TAF7L: variants seen among roughly 807,000 people sequenced by gnomAD.
TAF7L encodes transcription initiation factor TFIID subunit 7-like.
In TAF7L, 6 loss-of-function variants were observed where a neutral mutation model predicts 30.2. The observed-to-expected ratio is 0.20, with a 90% CI of 0.11 to 0.39. The LOEUF (loss-of-function observed/expected upper bound fraction) is 0.39, where lower values mean the gene tolerates loss of function less well. Ranked by LOEUF, TAF7L falls within the 10% of genes least tolerant of loss-of-function variation. TAF7L has a pLI of 1.00. For missense variants in TAF7L, 284 were observed against 277.1 expected, an observed-to-expected ratio of 1.03 and a Z score of -0.18; for synonymous variants, 93 against 94.5, an observed-to-expected ratio of 0.98 and a Z score of 0.09.
At chrX:101,281,934 G>A (rs1358090437) in intron 5 of TAF7L, among the ~76,000 whole-genome samples, 159 bp from the exon 6 acceptor site, 1 of 102,935 alleles carries the variant, frequency 9.7e-6, no homozygotes, top group African/African-American at 3.6e-5. Context: ...TGCCCAGGCT[G>A]GAGTGCAGTG....
At chrX:101,291,033 G>A (rs1223596657) in intron 1 of TAF7L, among the ~76,000 whole-genome samples, 191 bp downstream of exon 1, 1 of 112,322 alleles carries the variant, frequency 8.9e-6, no homozygotes, top group Non-Finnish European at 1.9e-5. Context: ...CAAAGAGAAA[G>A]TTTGACCCCT....
At position 101,278,089 on chromosome X, in the gene TAF7L, T is replaced by C. The variant is rs1486825714; in HGVS notation, c.537A>G (p.Val179=). Reference sequence around the variant, plus strand: ...CAGCATCCGAACGCAGCAGTCTCTTTACTTCATTTTCCACGTCTGGAGATT... The same window carrying C: ...CAGCATCCGAACGCAGCAGTCTCTTCACTTCATTTTCCACGTCTGGAGATT... The part of the protein sequence containing the change: ...YIESPDVENE[V]KRLLRSDAEA... The change falls in exon 8 of 13, where the codon GTA becomes GTG. Residue 179 remains valine, a synonymous_variant. Coordinates refer to ENST00000356784, the MANE Select transcript of TAF7L (RefSeq NM_001168474.2). 3.3e-6 allele frequency: 4 copies of C among 1,211,444 alleles called. No homozygotes were observed. The highest frequency in any genetic ancestry group is 2.2e-5 in the Admixed American group (1 of 46,057).
At chrX:101,289,007 C>T (rs140085572) in intron 1 of TAF7L, among the ~76,000 whole-genome samples, 61 of 111,067 alleles carry the variant, frequency 5.5e-4, no homozygotes, top group African/African-American at 1.8e-3. Flanking sequence ...ACTATTGGAC[C>T]AGCCTAACTG....
rs763364686 is a variant in TAF7L, at chrX:101,276,407, CTCT to C, written c.810_812del (p.Glu274del). The C allele has an allele frequency of 2.3e-5, 28 of 1,206,060 alleles. No homozygotes were observed. Among genetic ancestry groups the C allele is most frequent in the African/African-American group, 1.6e-4 (9 of 56,385 alleles). On this transcript the variant is annotated inframe_deletion, in exon 10 of 13. Transcript: ENST00000356784. ...ACTCTTCAGAACAATCTTCCTCCTC[CTCT>C]TCTTTGTCTTCATCTTCATCCTCAT...
chrX:101,292,187 C>T (rs1465841645), upstream of TAF7L, among the ~76,000 whole-genome samples: 1 of 96,254 alleles, frequency 1.0e-5, no homozygotes, highest in Non-Finnish European at 2.1e-5. Context: ...TGCAGTGAGC[C>T]GAGATCCCGC....
intron 8 of TAF7L, 50 bp from the exon 9 acceptor site, chrX:101,277,769 C>A (rs944941199): frequency 7.7e-6 from 7 of 913,358 alleles, no homozygotes; most frequent in Middle Eastern, 3.2e-4. Context: ...CAAAAAGGCA[C>A]AGCTGAAAGG....
chrX:101,269,912 G>A (rs1344933273), intron 12 of TAF7L, among the ~76,000 whole-genome samples: 2 of 112,015 alleles, frequency 1.8e-5, no homozygotes, highest in East Asian at 5.6e-4. Context: ...CTCACTGTAG[G>A]GGCAAAGGAG....
At chrX:101,278,408 C>T (rs1268130826) in intron 7 of TAF7L, among the ~76,000 whole-genome samples, 1 of 112,174 alleles carries the variant, frequency 8.9e-6, no homozygotes, top group African/African-American at 3.2e-5. Flanking sequence ...AGAGGTGCAA[C>T]CCTTAGGTCT....
chrX:101,286,480 T>G (rs1924605903), intron 3 of TAF7L, 95 bp downstream of exon 3: 6 of 589,818 alleles, frequency 1.0e-5, no homozygotes, highest in Non-Finnish European at 1.6e-5. Context: ...TTCTATCATT[T>G]TTCACATCCT....
At chrX:101,293,062 G>T (rs759278454), upstream of TAF7L, 2 of 1,209,464 alleles carry the variant, frequency 1.7e-6, no homozygotes, top group Admixed American at 4.4e-5. Context: ...CCTCGTTGGG[G>T]TTGTAAAATG....
At chrX:101,279,181 A>C in intron 6 of TAF7L, 146 bp from the exon 7 acceptor site, 1 of 454,607 alleles carries the variant, frequency 2.2e-6, no homozygotes, top group Non-Finnish European at 3.8e-6. Flanking sequence ...AAGCCAAGGC[A>C]ACTGTGTTCA....
intron 6 of TAF7L, among the ~76,000 whole-genome samples, chrX:101,280,736 C>T (rs182589342): frequency 2.3e-4 from 26 of 111,683 alleles, no homozygotes; most frequent in African/African-American, 7.8e-4. Flanking sequence ...AAAGGGAGAA[C>T]AGTTATGTAA....
At chrX:101,289,461 TA>T (rs1924725535) in intron 1 of TAF7L, among the ~76,000 whole-genome samples, 5 of 112,267 alleles carry the variant, frequency 4.5e-5, no homozygotes, top group African/African-American at 1.3e-4. Flanking sequence ...TTGTTTTCAT[TA>T]TTTGTTTTTC....
chrX:101,273,448 G>C (rs1485502455), intron 12 of TAF7L, among the ~76,000 whole-genome samples: 2 of 111,183 alleles, frequency 1.8e-5, no homozygotes, highest in South Asian at 7.8e-4. Context: ...AATTAGCCGG[G>C]CATGGTGGCA....
intron 2 of TAF7L, among the ~76,000 whole-genome samples, chrX:101,287,049 G>A (rs1200270496): frequency 8.9e-6 from 1 of 112,074 alleles, no homozygotes; most frequent in African/African-American, 3.2e-5. Context: ...TTGAATACAG[G>A]TATCAGTGTG....
rs1602951622 is a variant in TAF7L, at chrX:101,275,298, A to C, written c.1027-17T>G. The C allele has an allele frequency of 9.2e-7, 1 of 1,083,738 alleles. No homozygotes were observed. Among genetic ancestry groups the C allele is most frequent in the Non-Finnish European group, 1.2e-6 (1 of 807,723 alleles). The allele number at this position is 1,083,738 out of a possible 1,213,427, so 89.3% of individuals were successfully genotyped here. On this transcript the variant is annotated splice_polypyrimidine_tract_variant and intron_variant, in intron 11 of 12. Coordinates refer to ENST00000356784, the MANE Select transcript of TAF7L (RefSeq NM_001168474.2). ...AAAATGATTCTGAAAAATAAATTGTATAAATGATGAACACTGAGTCTCAAA... is the reference window on the plus strand; with the variant it reads ...AAAATGATTCTGAAAAATAAATTGTCTAAATGATGAACACTGAGTCTCAAA...
At chrX:101,278,873 T>G in intron 7 of TAF7L, 121 bp downstream of exon 7, 1 of 588,838 alleles carries the variant, frequency 1.7e-6, no homozygotes, top group South Asian at 2.9e-5. Flanking sequence ...GGATGAGGGT[T>G]AGAGGTGAGA....
At chrX:101,278,157 T>C (rs1654236862) in intron 7 of TAF7L, 36 bp from the exon 8 acceptor site, 2 of 1,077,257 alleles carry the variant, frequency 1.9e-6, no homozygotes, top group South Asian at 3.7e-5. Flanking sequence ...GGGATACCAA[T>C]ACTGTCATTT....
chrX:101,292,691 G>C, upstream of TAF7L: 1 of 1,038,324 alleles, frequency 9.6e-7, no homozygotes, highest in South Asian at 2.2e-5. Flanking sequence ...GCTCCTCAAG[G>C]GGGCCGCAAT....
Sources: gnomAD v4.1 joint callset for allele counts (sites outside exome capture counted in the v4.1 genomes callset) on GRCh38, gnomAD v4.1.1 for gene constraint, MANE v1.5 for transcripts, NCBI Gene and HGNC (gene_info 2026-07-23, HGNC 2026-07-21) for gene names.